Variants in PLEKHM2 observed in about 807,000 individuals in gnomAD.
The protein encoded by PLEKHM2 is pleckstrin homology domain-containing family M member 2.
PLEKHM2 carries 77 observed loss-of-function variants against 116.3 expected under a neutral mutation model. That is an observed-to-expected ratio of 0.66 (90% CI 0.55 to 0.80). PLEKHM2 has a LOEUF of 0.80. PLEKHM2 is among the 30% of genes least tolerant of loss of function. The pLI is 0.00. For synonymous variants in PLEKHM2, 562 were observed against 571.0 expected, an observed-to-expected ratio of 0.98 and a Z score of 0.22; for missense variants, 1,183 against 1,354.9, an observed-to-expected ratio of 0.87 and a Z score of 1.99.
chr1:15,682,642 ACAAAAAAAAC>A (rs1557634333), upstream of PLEKHM2, among the ~76,000 whole-genome samples: 938 of 74,910 alleles, frequency 0.013, 16 homozygotes, highest in African/African-American at 0.082. Context: ...ACAAAACAAA[ACAAAAAAAAC>A]AAAAAACAAA....
Position 15,729,901 on chromosome 1 carries a change from A to G in PLEKHM2, c.2180A>G (p.Lys727Arg), listed in dbSNP as rs1474597710. The G allele has an allele frequency of 5.0e-6, 8 of 1,612,956 alleles. No homozygotes were observed. Among genetic ancestry groups the G allele is most frequent in the Non-Finnish European group, 5.9e-6 (7 of 1,179,742 alleles). Residue 727 changes from lysine (K) to arginine (R), a missense_variant, in exon 14 of 20, where the codon AAA becomes AGA. Around this residue, in one of 3 missense-constraint regions of PLEKHM2, gnomAD observed 594 missense variants for 720.1 expected, o/e 0.82. Transcript: ENST00000375799. This position sits in a 1 kb window ranked among gnomAD's most constrained non-coding sequence, Gnocchi z 4.7. The stretch of plus-strand genomic sequence containing the variant: ...ACCATGGAGAAGCTGGCACTGGCCA[A>G]ATTTGTGGCCCAAGAATCGAAGTGT... The part of the protein sequence containing the change: ...DATMEKLALA[K>R]FVAQESKCEA...
intron 7 of PLEKHM2, among the ~76,000 whole-genome samples, chr1:15,723,744 CAA>C (rs1056474462): frequency 0.2 from 15,458 of 75,466 alleles, 1,240 homozygotes; most frequent in African/African-American, 0.37. Flanking sequence ...GACCCTGTCT[CAA>C]AAAAAAAAAA....
At chr1:15,697,243 G>A (rs768869434) in intron 1 of PLEKHM2, among the ~76,000 whole-genome samples, 4 of 152,226 alleles carry the variant, frequency 2.6e-5, no homozygotes, top group East Asian at 1.9e-4. Flanking sequence ...TCCTGCTTCC[G>A]TCCCAGCAGT....
intron 1 of PLEKHM2, among the ~76,000 whole-genome samples, chr1:15,687,887 T>C (rs185470871): frequency 6.6e-6 from 1 of 152,322 alleles, no homozygotes; most frequent in East Asian, 1.9e-4. Context: ...CTGGTCATTT[T>C]ATAAGGATTT....
Position 15,733,986 on chromosome 1 carries a change from G to A in PLEKHM2, c.*52G>A, listed in dbSNP as rs934828955. ...GGCAGGAAAGGAAGGCACGCCAGCC[G>A]GCAGGCACACTGTCACGGCTGTTGT... On this transcript the variant is annotated 3_prime_UTR_variant, in exon 20 of 20. Coordinates refer to ENST00000375799, the MANE Select transcript of PLEKHM2 (RefSeq NM_015164.4). 1.1e-5 allele frequency: 17 copies of A among 1,568,670 alleles called. No individual in the cohort carries two copies. Among genetic ancestry groups the A allele is most frequent in the African/African-American group, 4.1e-5 (3 of 73,930 alleles).
In PLEKHM2 at chr1:15,727,479, C is replaced by CGA. The variant is rs1458347292; in HGVS notation, c.1411_1412dup (p.Ser471ArgfsTer48). ...CAATGGACTTCTACCGCTTTACCGTCGAGAGTCCAAGCACTGTTACATCAG... is the reference window on the plus strand; with the variant it reads ...CAATGGACTTCTACCGCTTTACCGTCGAGAGAGTCCAAGCACTGTTACATCAG... On this transcript the variant is annotated frameshift_variant, in exon 9 of 20. Transcript: ENST00000375799. LOFTEE classifies it high-confidence loss of function. This position sits in a 1 kb window ranked among gnomAD's most constrained non-coding sequence, Gnocchi z 7.5. 1.3e-6 allele frequency: 2 copies of CGA among 1,598,644 alleles called. No individual in the cohort carries two copies. Among genetic ancestry groups the CGA allele is most frequent in the Non-Finnish European group, 1.7e-6 (2 of 1,173,380 alleles).
At chr1:15,704,693 A>G (rs1481400457) in intron 1 of PLEKHM2, among the ~76,000 whole-genome samples, 1 of 152,166 alleles carries the variant, frequency 6.6e-6, no homozygotes, top group Non-Finnish European at 1.5e-5. Flanking sequence ...AGTGCCCATC[A>G]GGCTGCTGCC....
intron 6 of PLEKHM2, among the ~76,000 whole-genome samples, chr1:15,720,151 A>ATATATATATAT (rs1557655121): frequency 7.3e-6 from 1 of 137,258 alleles, no homozygotes; most frequent in African/African-American, 2.7e-5. Context: ...TATATATATA[A>ATATATATATAT]AATATATATT....
chr1:15,721,123 T>C lies in PLEKHM2; in HGVS notation c.653-206T>C. The C allele has an allele frequency of 1.9e-6, 1 of 533,106 alleles. No homozygotes were observed. The allele number at this position is 533,106 out of a possible 1,614,324, so 33.0% of individuals were successfully genotyped here. A position where few individuals can be genotyped will look rare whatever the true frequency, so the allele number is the denominator to read the frequency against. Reference sequence around the variant, plus strand: ...ACCCTGACAGGTCTTTCCAGCTGGTTGGAGGCTCCTGGGCCAGCGCCTGAG... The same window carrying C: ...ACCCTGACAGGTCTTTCCAGCTGGTCGGAGGCTCCTGGGCCAGCGCCTGAG... On this transcript the variant is annotated intron_variant, in intron 6 of 19. Coordinates refer to ENST00000375799, the MANE Select transcript of PLEKHM2 (RefSeq NM_015164.4). This position sits in a 1 kb window ranked among gnomAD's most constrained non-coding sequence, Gnocchi z 5.1.
chr1:15,723,777 G>A (rs2068025487), intron 7 of PLEKHM2, among the ~76,000 whole-genome samples: 1 of 151,074 alleles, frequency 6.6e-6, no homozygotes, highest in Non-Finnish European at 1.5e-5. Flanking sequence ...AAAGGACGGT[G>A]TGCTGCATCA....
In PLEKHM2 at chr1:15,732,674, T is replaced by C. The variant is rs766174968; in HGVS notation, c.2868T>C (p.Ser956=). The part of the protein sequence containing the change: ...PPWVIYLSCT[S]ELDRLLSALN... ...GGGTCATCTACCTGAGCTGCACTTC[T>C]GAACTGGACCGATTGCTGTCTGCAC... Residue 956 remains serine (S), a synonymous_variant, in exon 19 of 20, where the codon TCT becomes TCC. Transcript: ENST00000375799. 2 of 1,610,940 alleles carry C rather than the reference T, an allele frequency of 1.2e-6. No individual in the cohort carries two copies. The highest frequency in any genetic ancestry group is 2.2e-5 in the East Asian group (1 of 44,838).
At position 15,728,603 on chromosome 1, in the gene PLEKHM2, A is replaced by C. The variant is rs2068097789; in HGVS notation, c.1922-66A>C. ...TCTAAGAGAGGGGGCTGTGTCTAAG[A>C]AAATGGGGCAGGGGGAGGGAAAAGA... On this transcript the variant is annotated intron_variant, in intron 11 of 19. Transcript: ENST00000375799. This position sits in a 1 kb window ranked among gnomAD's most constrained non-coding sequence, Gnocchi z 5.9. 5.6e-6 allele frequency: 8 copies of C among 1,421,282 alleles called. No individual in the cohort carries two copies. Among genetic ancestry groups the C allele is most frequent in the Admixed American group, 3.9e-5 (2 of 51,756 alleles). The allele number at this position is 1,421,282 out of a possible 1,614,324, so 88.0% of individuals were successfully genotyped here. A position where few individuals can be genotyped will look rare whatever the true frequency, so the allele number is the denominator to read the frequency against.
At chr1:15,725,828 T>C in intron 8 of PLEKHM2, 2 of 471,546 alleles carry the variant, frequency 4.2e-6, no homozygotes, top group Non-Finnish European at 3.9e-6. Context: ...AGGGTGCCGG[T>C]GTGGCCAGCC....
upstream of PLEKHM2, among the ~76,000 whole-genome samples, chr1:15,683,479 C>T (rs192353515): frequency 1.3e-5 from 2 of 150,810 alleles, no homozygotes; most frequent in African/African-American, 2.4e-5. Context: ...GTGGGTGTCT[C>T]GAGTCTCTGA....
In PLEKHM2 at chr1:15,728,703, C is replaced by T. The variant is rs373293972; in HGVS notation, c.1956C>T (p.Ala652=). The stretch of plus-strand genomic sequence containing the variant: ...AGAAGCCATACCTGGTGGAAGAGGC[C>T]GTTTCTTACAATGAACTTGACTATG... ...ATEKPYLVEE[A]VSYNELDYVS... is the part of the protein sequence containing the mutation. Residue 652 remains alanine, a synonymous_variant, in exon 12 of 20, where the codon GCC becomes GCT. Coordinates refer to ENST00000375799, the MANE Select transcript of PLEKHM2 (RefSeq NM_015164.4). This position sits in a 1 kb window ranked among gnomAD's most constrained non-coding sequence, Gnocchi z 5.9. 2.5e-5 allele frequency: 40 copies of T among 1,611,370 alleles called. No individual in the cohort carries two copies. Among genetic ancestry groups the T allele is most frequent in the South Asian group, 1.4e-4 (13 of 90,464 alleles).
At chr1:15,732,223 C>A in intron 17 of PLEKHM2, 127 bp from the exon 18 acceptor site, 1 of 978,002 alleles carries the variant, frequency 1.0e-6, no homozygotes, top group Non-Finnish European at 1.5e-6. Flanking sequence ...CCCGCCTCTG[C>A]TCCCGATCCC....
chr1:15,683,432 G>A (rs574094292), upstream of PLEKHM2, among the ~76,000 whole-genome samples: 1 of 152,070 alleles, frequency 6.6e-6, no homozygotes, highest in East Asian at 1.9e-4. Context: ...AGGGGTCTGT[G>A]GACTAAAGAG....
chr1:15,698,549 C>CTTTTTTTT (rs564918055), intron 1 of PLEKHM2, among the ~76,000 whole-genome samples: 16 of 111,220 alleles, frequency 1.4e-4, no homozygotes, highest in Middle Eastern at 4.4e-3. Context: ...TTCTTTCTTT[C>CTTTTTTTT]TTTTTTTTTT....
At chr1:15,724,084 G>A (rs2068029515) in intron 7 of PLEKHM2, among the ~76,000 whole-genome samples, 1 of 152,190 alleles carries the variant, frequency 6.6e-6, no homozygotes, top group Non-Finnish European at 1.5e-5. Context: ...CCAGTAACCA[G>A]GGGCAGATGG....
Sources: gnomAD v4.1 joint callset for allele counts (sites outside exome capture counted in the v4.1 genomes callset) on GRCh38, gnomAD v4.1.1 for gene constraint, gnomAD v4.1.1 regional missense constraint, Gnocchi (gnomAD v3.1) non-coding constraint, MANE v1.5 for transcripts, NCBI Gene and HGNC (gene_info 2026-07-23, HGNC 2026-07-21) for gene names.